The following ABHD18 variants were observed in gnomAD, a reference collection of about 807,000 sequenced individuals.
ABHD18 encodes the protein cardiolipin-specific deacylase, mitochondrial.
ABHD18 carries 55 observed loss-of-function variants against 65.9 expected under a neutral mutation model. That is an observed-to-expected ratio of 0.84 (90% CI 0.67 to 1.05). The LOEUF is 1.05. Ranked by LOEUF, ABHD18 falls within the 50% of genes least tolerant of loss-of-function variation. The pLI is 0.00. For synonymous variants in ABHD18, 181 were observed against 180.2 expected (o/e 1.00, Z -0.04); for missense variants, 533 against 558.5 (o/e 0.95, Z 0.46).
chr4:128,029,928 A>T (rs1204413826), intron 11 of ABHD18, among the ~76,000 whole-genome samples: 1 of 152,146 alleles, frequency 6.6e-6, no homozygotes, highest in Non-Finnish European at 1.5e-5. Context: ...TCAAGGTGGC[A>T]CTGAGCTATG....
At chr4:127,997,723 G>A (rs1751971975) in intron 4 of ABHD18, among the ~76,000 whole-genome samples, 1 of 152,158 alleles carries the variant, frequency 6.6e-6, no homozygotes, top group African/African-American at 2.4e-5. Flanking sequence ...AACCATAGCA[G>A]CTGTTGGCTC....
intron 1 of ABHD18, among the ~76,000 whole-genome samples, chr4:127,978,023 A>G (rs1054499933): frequency 2.6e-5 from 4 of 152,176 alleles, no homozygotes; most frequent in Admixed American, 2.0e-4. Context: ...TGAACACTCT[A>G]TTAAATAATT....
chr4:127,973,084 G>T (rs978674362), intron 1 of ABHD18, among the ~76,000 whole-genome samples: 1 of 151,996 alleles, frequency 6.6e-6, no homozygotes, highest in Non-Finnish European at 1.5e-5. Context: ...TGTGATCCTG[G>T]CTCACTGCAT....
intron 8 of ABHD18, 44 bp downstream of exon 8, chr4:128,017,545 T>C: frequency 9.2e-6 from 14 of 1,522,906 alleles, no homozygotes; most frequent in Non-Finnish European, 1.2e-5. Context: ...TGTTTATGTT[T>C]GTAAGATCTA....
chr4:128,024,544 G>C (rs1757047590), intron 10 of ABHD18, among the ~76,000 whole-genome samples: 2 of 152,084 alleles, frequency 1.3e-5, no homozygotes, highest in South Asian at 4.1e-4. Context: ...CAAAAAAAAA[G>C]TTCAATTTAT....
chr4:128,017,269 A>G, intron 7 of ABHD18, 94 bp from the exon 8 acceptor site: 4 of 1,163,566 alleles, frequency 3.4e-6, no homozygotes, highest in Non-Finnish European at 4.9e-6. Context: ...CCTTTAGAAG[A>G]GATGCATGAA....
chr4:127,971,482 C>CTTTT (rs1156788634), intron 1 of ABHD18, among the ~76,000 whole-genome samples: 3 of 51,904 alleles, frequency 5.8e-5, no homozygotes, highest in Non-Finnish European at 6.8e-5. Context: ...CCAGAGTTGG[C>CTTTT]TTTTTTTTTT....
chr4:128,009,151 A>C lies in ABHD18; in HGVS notation c.402A>C (p.Lys134Asn). 1 of 1,531,444 alleles carries C rather than the reference A, an allele frequency of 6.5e-7. No individual in the cohort carries two copies. The highest frequency in any genetic ancestry group is 1.4e-5 in the African/African-American group (1 of 69,998). The allele number at this position is 1,531,444 out of a possible 1,614,324, so 94.9% of individuals were successfully genotyped here. Reference protein sequence around the residue: ...RRTLMARPMIKEARMASLLLE... With the variant: ...RRTLMARPMINEARMASLLLE... Reference sequence around the variant, plus strand: ...CACTAATGGCCCGTCCTATGATTAAAGAAGCCCGAATGGCTTCTTTATTGT... The same window carrying C: ...CACTAATGGCCCGTCCTATGATTAACGAAGCCCGAATGGCTTCTTTATTGT... The change falls in exon 6 of 13, where the codon AAA (lysine) becomes AAC (asparagine). Residue 134 changes from lysine to asparagine, a missense_variant. Around this residue, in one of 3 missense-constraint regions of ABHD18, gnomAD observed 309 missense variants for 313.5 expected, o/e 0.99. Coordinates refer to ENST00000645843, the MANE Select transcript of ABHD18 (RefSeq NM_001358451.3).
intron 6 of ABHD18, chr4:128,009,692 G>C (rs74956857): frequency 0.02 from 3,038 of 153,692 alleles, 46 homozygotes; most frequent in Middle Eastern, 0.064. Context: ...AGGCTGCTTT[G>C]AAATGGGCAC....
chr4:128,005,062 T>C (rs1753377887), intron 4 of ABHD18, among the ~76,000 whole-genome samples: 1 of 152,058 alleles, frequency 6.6e-6, no homozygotes, highest in Non-Finnish European at 1.5e-5. Flanking sequence ...AACCTGTCGC[T>C]ACTAAAAATA....
intron 10 of ABHD18, among the ~76,000 whole-genome samples, 195 bp from the exon 11 acceptor site, chr4:128,028,280 G>A (rs1034848029): frequency 2.0e-5 from 3 of 150,712 alleles, no homozygotes; most frequent in Admixed American, 6.6e-5. Flanking sequence ...TGTCTTCAGT[G>A]TTCATCCATG....
In ABHD18 at chr4:128,028,540, T is replaced by C; in HGVS notation, c.867T>C (p.Thr289=). 6.2e-7 allele frequency: 1 copy of C among 1,610,432 alleles called. No individual in the cohort carries two copies. ...TCACTAGCAGTGCAGACAAGCTAAC[T>C]AACCTTAATCTGGTTTCCAGAACTT... The part of the protein sequence containing the change: ...KHFTSSADKL[T]NLNLVSRTLN... The change falls in exon 11 of 13, where the codon ACT becomes ACC. Residue 289 remains threonine (T), a synonymous_variant. Coordinates refer to ENST00000645843, the MANE Select transcript of ABHD18 (RefSeq NM_001358451.3).
chr4:127,985,909 G>A (rs1251424022), intron 3 of ABHD18, among the ~76,000 whole-genome samples: 1 of 152,076 alleles, frequency 6.6e-6, no homozygotes, highest in Non-Finnish European at 1.5e-5. Flanking sequence ...CAGCTACTCG[G>A]GAGGCTGAGA....
chr4:128,022,769 CTT>C (rs1234304858), intron 10 of ABHD18, among the ~76,000 whole-genome samples: 4 of 130,960 alleles, frequency 3.1e-5, no homozygotes, highest in African/African-American at 2.8e-5. Context: ...CGATCCTTTT[CTT>C]TTTTTTTTTT....
At chr4:127,985,049 G>A (rs1412394969) in intron 3 of ABHD18, among the ~76,000 whole-genome samples, 1 of 151,954 alleles carries the variant, frequency 6.6e-6, no homozygotes, top group African/African-American at 2.4e-5. Flanking sequence ...CAACATTACA[G>A]AACAATAGTG....
intron 4 of ABHD18, among the ~76,000 whole-genome samples, chr4:128,002,265 G>C (rs923417099): frequency 3.3e-5 from 5 of 151,126 alleles, no homozygotes; most frequent in South Asian, 2.1e-4. Flanking sequence ...ACAGAGCAAG[G>C]CTCCATCTTT....
intron 3 of ABHD18, among the ~76,000 whole-genome samples, chr4:127,988,380 G>T (rs757193170): frequency 2.0e-5 from 3 of 152,044 alleles, no homozygotes; most frequent in Non-Finnish European, 4.4e-5. Flanking sequence ...ACAACCACAT[G>T]CCACCACGTT....
At chr4:127,975,533 T>G (rs1747745803) in intron 1 of ABHD18, among the ~76,000 whole-genome samples, 1 of 152,188 alleles carries the variant, frequency 6.6e-6, no homozygotes, top group Non-Finnish European at 1.5e-5. Context: ...TGTTTGTGGT[T>G]GTTTGTATGT....
rs1756376035 is a variant in ABHD18 at position 128,020,863 on chromosome 4, GTC to G, written c.700-270_700-269del. 2.6e-5 allele frequency among the ~76,000 whole-genome samples: 4 copies of G among 151,956 alleles called. No individual in the cohort carries two copies. The South Asian group carries it at 8.3e-4, about 32-fold the overall frequency. ...AGCCTGGCCAACATGGTGAAACTCT[GTC>G]TCTACTAAAAATACAAAAATTAGCT... On this transcript the variant is annotated intron_variant, in intron 9 of 12. Coordinates refer to ENST00000645843, the MANE Select transcript of ABHD18 (RefSeq NM_001358451.3).
Sources: gnomAD v4.1 joint callset for allele counts (sites outside exome capture counted in the v4.1 genomes callset) on GRCh38, gnomAD v4.1.1 for gene constraint, gnomAD v4.1.1 regional missense constraint, MANE v1.5 for transcripts, NCBI Gene and HGNC (gene_info 2026-07-23, HGNC 2026-07-21) for gene names.